Variants in WDR25 observed in about 807,000 individuals in gnomAD.
WDR25 encodes the protein WD repeat domain 25, also known as WD repeat-containing protein 25.
WDR25 carries 35 observed loss-of-function variants against 47.7 expected under a neutral mutation model. The ratio of observed to expected loss-of-function variants is 0.73; its 90% CI spans 0.56 to 0.97. The LOEUF (loss-of-function observed/expected upper bound fraction) is 0.97, where lower values mean the gene tolerates loss of function less well. Among genes scored for constraint, WDR25 ranks in the 50% least tolerant of loss-of-function variants. WDR25 has a pLI of 0.00. For synonymous variants in WDR25, 248 were observed against 278.9 expected (o/e 0.89, Z 1.10); for missense variants, 634 against 704.7 (o/e 0.90, Z 1.14).
rs547761927 is a variant in WDR25 at position 100,517,357 on chromosome 14, C to T, written c.1102-8513C>T. On this transcript the variant is annotated intron_variant, in intron 4 of 6. Coordinates refer to ENST00000402312, the MANE Select transcript of WDR25 (RefSeq NM_001161476.3). Reference sequence around the variant, plus strand: ...CTCCCAAAGCTCCTCTGTTTTTATTCCACTTGCTCTTTTCCTGCCTTCTTT... The same window carrying T: ...CTCCCAAAGCTCCTCTGTTTTTATTTCACTTGCTCTTTTCCTGCCTTCTTT... 1.3e-3 allele frequency among the ~76,000 whole-genome samples: 194 copies of T among 151,930 alleles called. 1 individual carries two copies. The highest frequency in any genetic ancestry group is 4.4e-3 in the African/African-American group (182 of 41,490).
intron 4 of WDR25, among the ~76,000 whole-genome samples, chr14:100,522,420 A>G (rs1260592673): frequency 3.3e-5 from 5 of 152,200 alleles, no homozygotes; most frequent in African/African-American, 1.2e-4. Context: ...GATAGCCACC[A>G]TCCTATGTGA....
At chr14:100,414,663 A>G (rs751582372) in intron 2 of WDR25, among the ~76,000 whole-genome samples, 2 of 152,024 alleles carry the variant, frequency 1.3e-5, no homozygotes, top group African/African-American at 2.4e-5. Context: ...ACATGTTTTC[A>G]TCTCTCTTAG....
Position 100,468,906 on chromosome 14 carries a change from TCTTTC to T in WDR25, c.970+750_970+754del, listed in dbSNP as rs1899734709. Among the ~76,000 whole-genome samples, 1 of 151,310 alleles carries T rather than the reference TCTTTC, an allele frequency of 6.6e-6. No individual in the cohort carries two copies. The highest frequency in any genetic ancestry group is 1.5e-5 in the Non-Finnish European group (1 of 67,762). On this transcript the variant is annotated intron_variant, in intron 3 of 6. Transcript: ENST00000402312. The surrounding 1 kb of genome is among the most constrained non-coding windows in gnomAD (Gnocchi z 4.5). Reference sequence around the variant, plus strand: ...TCTCCTTTCCCCTCCCCTCCCCTTTTCTTTCCTTTCCTTTCCCTCTATGTTCTCTT... The same window carrying T: ...TCTCCTTTCCCCTCCCCTCCCCTTTTCTTTCCTTTCCCTCTATGTTCTCTT...
At chr14:100,526,270 G>C (rs1485012083) in intron 5 of WDR25, among the ~76,000 whole-genome samples, 1 of 152,172 alleles carries the variant, frequency 6.6e-6, no homozygotes, top group African/African-American at 2.4e-5. Flanking sequence ...AACCCCACAG[G>C]GTAAGGGTCT....
intron 3 of WDR25, among the ~76,000 whole-genome samples, chr14:100,482,268 A>T (rs1324140021): frequency 6.6e-6 from 1 of 152,202 alleles, no homozygotes; most frequent in Non-Finnish European, 1.5e-5. Flanking sequence ...CTACATTAAG[A>T]AAAATGGAAG....
Position 100,523,414 on chromosome 14 carries a change from A to G in WDR25, c.1102-2456A>G, listed in dbSNP as rs747152058. Reference sequence around the variant, plus strand: ...GGTCTGGGTGCAGAGGACTGGCAGCATGGGGTGAGGGATAGCTGGGTGCAT... The same window carrying G: ...GGTCTGGGTGCAGAGGACTGGCAGCGTGGGGTGAGGGATAGCTGGGTGCAT... On this transcript the variant is annotated intron_variant, in intron 4 of 6. Transcript: ENST00000402312. This position sits in a 1 kb window ranked among gnomAD's most constrained non-coding sequence, Gnocchi z 4.7. 2.0e-5 allele frequency among the ~76,000 whole-genome samples: 3 copies of G among 152,156 alleles called. No homozygotes were observed. Among genetic ancestry groups the G allele is most frequent in the Non-Finnish European group, 4.4e-5 (3 of 68,024 alleles).
At chr14:100,379,090 C>T (rs879748784) in intron 1 of WDR25, among the ~76,000 whole-genome samples, 10 of 150,908 alleles carry the variant, frequency 6.6e-5, no homozygotes, top group Admixed American at 5.3e-4. Context: ...GGATCCTGGA[C>T]GTCTTTTGAT....
intron 4 of WDR25, among the ~76,000 whole-genome samples, chr14:100,485,037 T>C (rs1900336320): frequency 6.6e-6 from 1 of 152,154 alleles, no homozygotes. Flanking sequence ...GGCCTGGGGG[T>C]AGGTCAGCAT....
intron 4 of WDR25, chr14:100,487,727 T>A (rs997446289): frequency 5.3e-5 from 8 of 152,238 alleles, no homozygotes; most frequent in Admixed American, 5.2e-4. Context: ...TCTCTCTTGT[T>A]ACAATCTCCA....
At chr14:100,431,609 C>T (rs548534253) in intron 2 of WDR25, among the ~76,000 whole-genome samples, 176 of 145,908 alleles carry the variant, frequency 1.2e-3, no homozygotes, top group South Asian at 5.2e-3. Context: ...TGCAATGGGA[C>T]GATCTCTGCT....
At chr14:100,453,985 C>G (rs983881648) in intron 2 of WDR25, among the ~76,000 whole-genome samples, 3 of 152,192 alleles carry the variant, frequency 2.0e-5, no homozygotes, top group African/African-American at 7.2e-5. Context: ...CTCAACCTTT[C>G]CTTCGAGAGA....
At chr14:100,486,498 G>A (rs946143068) in intron 4 of WDR25, among the ~76,000 whole-genome samples, 1 of 152,070 alleles carries the variant, frequency 6.6e-6, no homozygotes, top group Non-Finnish European at 1.5e-5. Context: ...GGGTCACGGG[G>A]CTCGTTCCGT....
intron 2 of WDR25, among the ~76,000 whole-genome samples, chr14:100,461,831 C>T (rs1039704178): frequency 6.6e-6 from 1 of 151,698 alleles, no homozygotes; most frequent in Admixed American, 6.6e-5. Flanking sequence ...ACGAGGGAGG[C>T]GAAGGCTTAC....
chr14:100,414,347 C>T (rs1897806408), intron 2 of WDR25, among the ~76,000 whole-genome samples: 2 of 129,014 alleles, frequency 1.6e-5, no homozygotes, highest in East Asian at 2.4e-4. Context: ...CAGTCTTGCT[C>T]TGTCACCCAG....
chr14:100,483,702 T>C (rs1445815039), intron 3 of WDR25, among the ~76,000 whole-genome samples: 1 of 152,164 alleles, frequency 6.6e-6, no homozygotes, highest in Non-Finnish European at 1.5e-5. Flanking sequence ...AGCTAATGCA[T>C]GTCATGCTTA....
chr14:100,519,803 T>C (rs1267920439), intron 4 of WDR25, among the ~76,000 whole-genome samples: 1 of 140,628 alleles, frequency 7.1e-6, no homozygotes, highest in Admixed American at 7.5e-5. Context: ...TATATGTATA[T>C]ATGTATATAT....
rs1900971069 is a variant in WDR25 at position 100,502,725 on chromosome 14, G to T, written c.1101+18601G>T. Among the ~76,000 whole-genome samples, 1 of 152,214 alleles carries T rather than the reference G, an allele frequency of 6.6e-6. No homozygotes were observed. Among genetic ancestry groups the T allele is most frequent in the African/African-American group, 2.4e-5 (1 of 41,452 alleles). On this transcript the variant is annotated intron_variant, in intron 4 of 6. Coordinates refer to ENST00000402312, the MANE Select transcript of WDR25 (RefSeq NM_001161476.3). The surrounding 1 kb of genome is among the most constrained non-coding windows in gnomAD (Gnocchi z 4.5). ...ACATCGTGATGGGAACTGCTTGGGG[G>T]CTAATGAAAGACTCACAGAAGAAGG...
Position 100,424,726 on chromosome 14 carries a change from G to A in WDR25, c.822+42980G>A, listed in dbSNP as rs906394374. Among the ~76,000 whole-genome samples the A allele has an allele frequency of 1.3e-5, 2 of 152,184 alleles. No homozygotes were observed. Among genetic ancestry groups the A allele is most frequent in the East Asian group, 3.9e-4 (2 of 5,190 alleles). On this transcript the variant is annotated intron_variant, in intron 2 of 6. Coordinates refer to ENST00000402312, the MANE Select transcript of WDR25 (RefSeq NM_001161476.3). The surrounding 1 kb of genome is among the most constrained non-coding windows in gnomAD (Gnocchi z 4.2). ...CTTGGTGCGATTCGGTGGTTAGGCT[G>A]ATCTCAGGGTTCCTTTCAGCAGCAG...
intron 2 of WDR25, among the ~76,000 whole-genome samples, chr14:100,418,088 C>T (rs555860737): frequency 5.9e-5 from 9 of 151,736 alleles, no homozygotes; most frequent in African/African-American, 2.2e-4. Flanking sequence ...ATTACAGGCA[C>T]CAACCACCAC....
Sources: gnomAD v4.1 joint callset for allele counts (sites outside exome capture counted in the v4.1 genomes callset) on GRCh38, gnomAD v4.1.1 for gene constraint, Gnocchi (gnomAD v3.1) non-coding constraint, MANE v1.5 for transcripts, NCBI Gene and HGNC (gene_info 2026-07-23, HGNC 2026-07-21) for gene names.